The following SNED1 variants were observed in gnomAD, a reference collection of about 807,000 sequenced individuals.
SNED1 encodes the protein sushi, nidogen and EGF-like domain-containing protein 1.
A neutral mutation model predicts 166.7 loss-of-function variants in SNED1; 81 were observed. The observed-to-expected ratio is 0.49, with a 90% CI of 0.41 to 0.58. SNED1 has a LOEUF of 0.58. SNED1 is among the 20% of genes least tolerant of loss of function. SNED1 has a pLI of 0.00. For synonymous variants in SNED1, 762 were observed against 822.0 expected, an observed-to-expected ratio of 0.93 and a Z score of 1.25; for missense variants, 1,604 against 2,000.2, an observed-to-expected ratio of 0.80 and a Z score of 3.78.
chr2:241,071,341 CTGTGTCATG>C, intron 24 of SNED1: 1 of 594,774 alleles, frequency 1.7e-6, no homozygotes, highest in Non-Finnish European at 3.0e-6. Context: ...CAGTGCACGC[CTGTGTCATG>C]GCTGCGCATG....
At chr2:241,047,904 TCC>T in intron 8 of SNED1, among the ~76,000 whole-genome samples, 1 of 151,792 alleles carries the variant, frequency 6.6e-6, no homozygotes, top group African/African-American at 2.4e-5. Flanking sequence ...GGGTGGTCTC[TCC>T]GGTGCTTCTT....
chr2:241,087,239 A>C (rs764499686), intron 29 of SNED1, 153 bp from the exon 30 acceptor site: 2 of 623,950 alleles, frequency 3.2e-6, no homozygotes, highest in Non-Finnish European at 5.7e-6. Context: ...TAGACATTTT[A>C]ATACATCAAT....
rs1440406483 is a variant in SNED1 at position 241,093,306 on chromosome 2, A to G, written c.*1670A>G. The G allele has an allele frequency of 6.5e-6, 1 of 152,682 alleles. No homozygotes were observed. The highest frequency in any genetic ancestry group is 1.5e-5 in the Non-Finnish European group (1 of 68,052). The allele number at this position is 152,682 out of a possible 1,614,324, so 9.5% of individuals were successfully genotyped here. A position where few individuals can be genotyped will look rare whatever the true frequency, so the allele number is the denominator to read the frequency against. ...CCCTGGGACCTGTCACTGTTTGTCC[A>G]TGTAAGCTACAGCATTACTAGCAGA... On this transcript the variant is annotated 3_prime_UTR_variant, in exon 32 of 32. Transcript: ENST00000310397.
In SNED1 at chr2:241,064,137, G is replaced by T; in HGVS notation, c.2599+12G>T. 1 of 1,525,834 alleles carries T rather than the reference G, an allele frequency of 6.6e-7. No individual in the cohort carries two copies. 94.5% of individuals were successfully genotyped at this position (1,525,834 alleles called of 1,614,324 possible). A position where few individuals can be genotyped will look rare whatever the true frequency, so the allele number is the denominator to read the frequency against. On this transcript the variant is annotated intron_variant, in intron 19 of 31. Transcript: ENST00000310397. This position sits in a 1 kb window ranked among gnomAD's most constrained non-coding sequence, Gnocchi z 7.0. The stretch of plus-strand genomic sequence containing the variant: ...CCACTGCGAGACAGGTAGGGCGGCA[G>T]GCCTGCCTGCTCCCCGCCCTCTGCC...
rs1211138530 is a variant in SNED1, at chr2:241,036,788, A to G, written c.806-2A>G. On this transcript the variant is annotated splice_acceptor_variant, in intron 4 of 31. Transcript: ENST00000310397. LOFTEE classifies it high-confidence loss of function. The stretch of plus-strand genomic sequence containing the variant: ...GGCTCCAGCCCCTCCCTATGTCTGC[A>G]GCGTCCGTGTGCCTGGCCCTGCGCC... The G allele has an allele frequency of 1.2e-6, 2 of 1,607,290 alleles. No homozygotes were observed. The highest frequency in any genetic ancestry group is 8.5e-7 in the Non-Finnish European group (1 of 1,179,562).
chr2:241,086,706 T>A (rs1282380947), intron 29 of SNED1, among the ~76,000 whole-genome samples: 1 of 152,236 alleles, frequency 6.6e-6, no homozygotes, highest in Non-Finnish European at 1.5e-5. Context: ...AAAGGTTCTA[T>A]GAGACTTAGC....
At chr2:241,087,345 C>T in intron 29 of SNED1, 47 bp from the exon 30 acceptor site, 2 of 1,542,714 alleles carry the variant, frequency 1.3e-6, no homozygotes, top group South Asian at 2.4e-5. Context: ...CAGTTGGCAA[C>T]ATTTTGCTTC....
chr2:241,088,909 G>A (rs1045422263), intron 31 of SNED1: 13 of 202,108 alleles, frequency 6.4e-5, no homozygotes, highest in Middle Eastern at 2.0e-3. Flanking sequence ...GGCCTTGATC[G>A]CTTAATATTT....
intron 27 of SNED1, among the ~76,000 whole-genome samples, chr2:241,079,404 T>G (rs1482087571): frequency 1.4e-5 from 2 of 144,400 alleles, no homozygotes; most frequent in Non-Finnish European, 3.0e-5. Context: ...AGAGTGAGAC[T>G]CCATCTCAAA....
chr2:241,054,039 A>G (rs1320820633), intron 16 of SNED1, among the ~76,000 whole-genome samples: 1 of 152,192 alleles, frequency 6.6e-6, no homozygotes, highest in Non-Finnish European at 1.5e-5. Context: ...TGTCCCCCAC[A>G]TGCCCCGCAA....
At chr2:241,054,128 G>C (rs2061967730) in intron 16 of SNED1, among the ~76,000 whole-genome samples, 1 of 93,314 alleles carries the variant, frequency 1.1e-5, no homozygotes, top group African/African-American at 6.7e-5. Context: ...TTCCTTCTGG[G>C]ATTTCAAGCC....
chr2:241,072,241 C>CATG (rs1559297307), intron 26 of SNED1: 1 of 477,894 alleles, frequency 2.1e-6, no homozygotes, highest in Admixed American at 2.3e-5. Context: ...GGCAGGAGGC[C>CATG]ATGAGGGTCT....
intron 16 of SNED1, among the ~76,000 whole-genome samples, chr2:241,060,985 A>G (rs1392027571): frequency 1.3e-5 from 2 of 152,194 alleles, no homozygotes; most frequent in African/African-American, 4.8e-5. Flanking sequence ...ATAGGTAAAT[A>G]TATTTTTGAC....
chr2:241,007,458 T>A (rs2060252351), intron 1 of SNED1, among the ~76,000 whole-genome samples: 1 of 152,256 alleles, frequency 6.6e-6, no homozygotes, highest in African/African-American at 2.4e-5. Context: ...CGTCTTTTTT[T>A]AGTATTAAAT....
intron 9 of SNED1, 62 bp downstream of exon 9, chr2:241,048,502 T>G (rs2061729749): frequency 6.5e-7 from 1 of 1,540,878 alleles, no homozygotes; most frequent in South Asian, 1.2e-5. Context: ...GGGAGGGCCT[T>G]CCTGTGGGTG....
At chr2:241,048,837 C>G (rs2125086824) in intron 10 of SNED1, 71 bp downstream of exon 10, 1 of 1,363,142 alleles carries the variant, frequency 7.3e-7, no homozygotes, top group African/African-American at 1.4e-5. Context: ...ATGGTGGCTT[C>G]GGCCGGGGTC....
Position 241,064,761 on chromosome 2 carries a change from C to T in SNED1, c.2600-83C>T. The T allele has an allele frequency of 7.2e-6, 7 of 968,430 alleles. No individual in the cohort carries two copies. In the South Asian group the frequency reaches 1.2e-4, roughly 16 times the overall value. 60.0% of individuals were successfully genotyped at this position (968,430 alleles called of 1,614,324 possible). On this transcript the variant is annotated intron_variant, in intron 19 of 31. Coordinates refer to ENST00000310397, the MANE Select transcript of SNED1 (RefSeq NM_001080437.3). The surrounding 1 kb of genome is among the most constrained non-coding windows in gnomAD (Gnocchi z 7.0). ...CCTCCACACCCACGCAGGAGGGACCCAGTGCCCCAGGAGCAAGGGCGGGGC... is the reference window on the plus strand; with the variant it reads ...CCTCCACACCCACGCAGGAGGGACCTAGTGCCCCAGGAGCAAGGGCGGGGC...
chr2:241,051,787 C>T lies in SNED1; in HGVS notation c.1779C>T (p.Gly593=). ...LCSSGPCRNG[G]TCKEAGGEYH... ...GCTCAGGGCCCTGCCGGAACGGGGG[C>T]ACGTGCAAGGAGGCGGGCGGCGAGT... Residue 593 remains glycine (G), a synonymous_variant, in exon 13 of 32, where the codon GGC becomes GGT. Transcript: ENST00000310397. The surrounding 1 kb of genome is among the most constrained non-coding windows in gnomAD (Gnocchi z 4.7). 1 of 1,556,234 alleles carries T rather than the reference C, an allele frequency of 6.4e-7. No individual in the cohort carries two copies. The highest frequency in any genetic ancestry group is 8.7e-7 in the Non-Finnish European group (1 of 1,150,642).
intron 1 of SNED1, among the ~76,000 whole-genome samples, chr2:241,001,554 G>A (rs976011139): frequency 7.2e-5 from 11 of 152,254 alleles, no homozygotes; most frequent in South Asian, 2.1e-4. Context: ...GGAGCGTGGC[G>A]CGCCGAGGAG....
Sources: allele counts gnomAD v4.1 joint callset (sites outside exome capture counted in the v4.1 genomes callset), GRCh38; gene constraint gnomAD v4.1.1; non-coding constraint Gnocchi (gnomAD v3.1); transcripts MANE v1.5; gene names NCBI Gene and HGNC (gene_info 2026-07-23, HGNC 2026-07-21).